Variants in TAX1BP1 observed in about 807,000 individuals in gnomAD.
TAX1BP1 encodes Tax1 binding protein 1, also known as tax1-binding protein 1.
A neutral mutation model predicts 97.7 loss-of-function variants in TAX1BP1; 62 were observed. The ratio of observed to expected loss-of-function variants is 0.63; its 90% CI spans 0.52 to 0.78. The LOEUF is 0.78. TAX1BP1 is among the 30% of genes least tolerant of loss of function. The pLI, the probability that TAX1BP1 is intolerant of heterozygous loss-of-function variation, is 0.00. For synonymous variants in TAX1BP1, 340 were observed against 304.2 expected (o/e 1.12, Z -1.23); for missense variants, 867 against 916.1 (o/e 0.95, Z 0.69).
chr7:27,743,131 A>G (rs1178361949), intron 1 of TAX1BP1, among the ~76,000 whole-genome samples: 1 of 152,230 alleles, frequency 6.6e-6, no homozygotes, highest in Non-Finnish European at 1.5e-5. Context: ...TCTAAAAAGT[A>G]AATAAAAGTG....
intron 5 of TAX1BP1, among the ~76,000 whole-genome samples, chr7:27,783,440 T>C (rs1789341463): frequency 6.6e-6 from 1 of 152,196 alleles, no homozygotes; most frequent in Admixed American, 6.5e-5. Context: ...CTTTATCGTT[T>C]TCATGTGTTT....
At chr7:27,816,754 C>T in intron 14 of TAX1BP1, 136 bp from the exon 15 acceptor site, 1 of 1,158,580 alleles carries the variant, frequency 8.6e-7, no homozygotes, top group Non-Finnish European at 1.2e-6. Flanking sequence ...TAAAAAATCA[C>T]CTGGGTTAAA....
intron 1 of TAX1BP1, among the ~76,000 whole-genome samples, chr7:27,744,538 ATTATAT>A (rs1374837449): frequency 1.3e-5 from 2 of 152,266 alleles, no homozygotes; most frequent in Non-Finnish European, 2.9e-5. Flanking sequence ...GGACTGGCAA[ATTATAT>A]TTAGTATTTA....
chr7:27,811,196 CAA>C (rs1790544642), intron 13 of TAX1BP1, among the ~76,000 whole-genome samples: 1 of 152,120 alleles, frequency 6.6e-6, no homozygotes, highest in Admixed American at 6.6e-5. Context: ...TAAAATTTCA[CAA>C]GTCTTATTTT....
intron 9 of TAX1BP1, 108 bp downstream of exon 9, chr7:27,792,338 T>A (rs1789750881): frequency 9.6e-7 from 1 of 1,043,610 alleles, no homozygotes; most frequent in Non-Finnish European, 1.4e-6. Flanking sequence ...TGCCTTATTT[T>A]AAATTTAAAA....
At chr7:27,812,087 G>A (rs1790580762) in intron 13 of TAX1BP1, among the ~76,000 whole-genome samples, 1 of 152,184 alleles carries the variant, frequency 6.6e-6, no homozygotes, top group Non-Finnish European at 1.5e-5. Flanking sequence ...TTACAAAGTG[G>A]CTGTACCATT....
At chr7:27,810,645 T>G (rs1390050773) in intron 13 of TAX1BP1, among the ~76,000 whole-genome samples, 2 of 152,146 alleles carry the variant, frequency 1.3e-5, no homozygotes, top group Non-Finnish European at 2.9e-5. Context: ...ACCTTCAACT[T>G]GTCTTTTCAG....
intron 3 of TAX1BP1, 25 bp downstream of exon 3, chr7:27,758,158 C>G (rs768133310): frequency 1.3e-6 from 2 of 1,525,056 alleles, no homozygotes; most frequent in Admixed American, 1.8e-5. Flanking sequence ...CTGCAGAACT[C>G]AATGAAACTA....
intron 13 of TAX1BP1, among the ~76,000 whole-genome samples, chr7:27,813,145 CTT>C (rs57301512): frequency 5.5e-5 from 6 of 108,910 alleles, no homozygotes; most frequent in African/African-American, 1.0e-4. Flanking sequence ...CTTTGTTCTG[CTT>C]TTTTTTTTTT....
intron 5 of TAX1BP1, among the ~76,000 whole-genome samples, chr7:27,770,619 C>G (rs1788811244): frequency 6.6e-6 from 1 of 152,084 alleles, no homozygotes; most frequent in Admixed American, 6.6e-5. Flanking sequence ...TCCAACAAGG[C>G]CTCCAGCAAT....
At chr7:27,814,777 C>T (rs1336882586) in intron 13 of TAX1BP1, among the ~76,000 whole-genome samples, 1 of 152,004 alleles carries the variant, frequency 6.6e-6, no homozygotes, top group Non-Finnish European at 1.5e-5. Flanking sequence ...ATTCTGTCAC[C>T]CATGCTGGAG....
chr7:27,761,913 G>C (rs1165126450), intron 3 of TAX1BP1, among the ~76,000 whole-genome samples: 1 of 152,212 alleles, frequency 6.6e-6, no homozygotes. Context: ...GTCTTCCAAA[G>C]TGGCTTGTAC....
intron 1 of TAX1BP1, among the ~76,000 whole-genome samples, chr7:27,747,017 A>T (rs1787847538): frequency 6.6e-6 from 1 of 152,232 alleles, no homozygotes; most frequent in Admixed American, 6.5e-5. Context: ...CCTTCTTACT[A>T]ATGGCTAAAA....
intron 13 of TAX1BP1, among the ~76,000 whole-genome samples, chr7:27,812,816 A>G (rs1790609703): frequency 6.6e-6 from 1 of 152,122 alleles, no homozygotes; most frequent in Admixed American, 6.6e-5. Flanking sequence ...TTTAGAATCT[A>G]TATTCTATTT....
At chr7:27,811,236 G>A (rs1272450825) in intron 13 of TAX1BP1, among the ~76,000 whole-genome samples, 1 of 152,104 alleles carries the variant, frequency 6.6e-6, no homozygotes, top group Non-Finnish European at 1.5e-5. Flanking sequence ...TGGTTGAAAG[G>A]CAGGAATGCC....
chr7:27,806,286 A>G (rs571745471), intron 13 of TAX1BP1, among the ~76,000 whole-genome samples: 6 of 151,858 alleles, frequency 4.0e-5, no homozygotes, highest in Non-Finnish European at 5.9e-5. Flanking sequence ...GGGTTTTGCC[A>G]TGTTGGCTAG....
At chr7:27,798,913 A>G (rs1287978706) in intron 12 of TAX1BP1, among the ~76,000 whole-genome samples, 2 of 145,562 alleles carry the variant, frequency 1.4e-5, no homozygotes, top group Non-Finnish European at 3.0e-5. Flanking sequence ...TTTTCTGTAT[A>G]TGTCTTTTGT....
In TAX1BP1 at chr7:27,787,428, A is replaced by G; in HGVS notation, c.863A>G (p.Lys288Arg). The G allele has an allele frequency of 6.2e-7, 1 of 1,605,496 alleles. No homozygotes were observed. The highest frequency in any genetic ancestry group is 8.5e-7 in the Non-Finnish European group (1 of 1,177,330). ...DEKELYKVHLKNTEIENTKLM... is the reference protein window; with the variant it reads ...DEKELYKVHLRNTEIENTKLM... Reference sequence around the variant, plus strand: ...CAAACACCATTACAGGTACATTTGAAGAATACAGAAATAGAAAATACCAAG... The same window carrying G: ...CAAACACCATTACAGGTACATTTGAGGAATACAGAAATAGAAAATACCAAG... Residue 288 changes from lysine to arginine, a missense_variant, in exon 8 of 17, where the codon AAG (lysine) becomes AGG (arginine). Lys to Arg is a conservative substitution (Grantham distance 26). Around this residue, in one of 3 missense-constraint regions of TAX1BP1, gnomAD observed 822 missense variants for 851.4 expected, o/e 0.97. Coordinates refer to ENST00000396319, the MANE Select transcript of TAX1BP1 (RefSeq NM_006024.7).
intron 1 of TAX1BP1, among the ~76,000 whole-genome samples, chr7:27,740,990 T>C (rs1463317776): frequency 6.6e-6 from 1 of 152,198 alleles, no homozygotes; most frequent in African/African-American, 2.4e-5. Context: ...GCGTACACCT[T>C]ATTAGTAAAA....
Sources: allele counts gnomAD v4.1 joint callset (sites outside exome capture counted in the v4.1 genomes callset), GRCh38; gene constraint gnomAD v4.1.1; regional missense constraint gnomAD v4.1.1; transcripts MANE v1.5; gene names NCBI Gene and HGNC (gene_info 2026-07-23, HGNC 2026-07-21).